The following LMO3 variants were observed in gnomAD, a reference collection of about 807,000 sequenced individuals.
The protein encoded by LMO3 is LIM domain only protein 3.
LMO3 carries 2 observed loss-of-function variants against 15.8 expected under a neutral mutation model. The observed-to-expected ratio is 0.13, with a 90% CI of 0.05 to 0.40. The LOEUF (loss-of-function observed/expected upper bound fraction) is 0.40, where lower values mean the gene tolerates loss of function less well. LMO3 is among the 10% of genes least tolerant of loss of function. The pLI, the probability that LMO3 is intolerant of heterozygous loss-of-function variation, is 0.99. For synonymous variants in LMO3, 62 were observed against 63.8 expected (o/e 0.97, Z 0.13); for missense variants, 86 against 182.2 (o/e 0.47, Z 3.04).
In LMO3 at chr12:16,555,249, T is replaced by C. The variant is rs183261413; in HGVS notation, c.333-3922A>G. On this transcript the variant is annotated intron_variant, in intron 3 of 3. Coordinates refer to ENST00000537304, the MANE Select transcript of LMO3 (RefSeq NM_018640.5). The surrounding 1 kb of genome is among the most constrained non-coding windows in gnomAD (Gnocchi z 5.5). The stretch of plus-strand genomic sequence containing the variant: ...GAAATATTTCTCCCCTTTTTCTGTC[T>C]ACTTAAATTGTAACAATCCTTGAGT... 1.8e-3 allele frequency among the ~76,000 whole-genome samples: 269 copies of C among 152,340 alleles called. No homozygotes were observed. The highest frequency in any genetic ancestry group is 6.4e-3 in the African/African-American group (265 of 41,574).
At chr12:16,605,421 T>C in intron 1 of LMO3, 1 of 1,072,008 alleles carries the variant, frequency 9.3e-7, no homozygotes, top group Non-Finnish European at 1.2e-6. Context: ...TAGCCACTTC[T>C]GCCCCTACCC....
rs1315386839 is a variant in LMO3, at chr12:16,585,345, A to T, written c.206+15310T>A. On this transcript the variant is annotated intron_variant, in intron 2 of 3. Transcript: ENST00000537304. This position sits in a 1 kb window ranked among gnomAD's most constrained non-coding sequence, Gnocchi z 4.7. ...TTTGCATATTTGTGTATATATTTTTAAAAAGTGGATTAACTTTATGTTAAA... is the reference window on the plus strand; with the variant it reads ...TTTGCATATTTGTGTATATATTTTTTAAAAGTGGATTAACTTTATGTTAAA... Among the ~76,000 whole-genome samples the T allele has an allele frequency of 2.0e-5, 3 of 152,224 alleles. No homozygotes were observed. Among genetic ancestry groups the T allele is most frequent in the African/African-American group, 7.2e-5 (3 of 41,452 alleles).
chr12:16,572,416 C>T (rs527261632), intron 2 of LMO3, among the ~76,000 whole-genome samples: 79 of 102,204 alleles, frequency 7.7e-4, no homozygotes, highest in African/African-American at 3.0e-3. Flanking sequence ...GAATGTGTAT[C>T]TATCTTCTTT....
At position 16,604,789 on chromosome 12, in the gene LMO3, A is replaced by T. The variant is rs928316416; in HGVS notation, c.-9+1277T>A. 2.7e-5 allele frequency: 41 copies of T among 1,491,294 alleles called. 1 individual carries two copies. Among genetic ancestry groups the T allele is most frequent in the Non-Finnish European group, 3.8e-5 (41 of 1,085,714 alleles). The allele number at this position is 1,491,294 out of a possible 1,614,324, so 92.4% of individuals were successfully genotyped here. ...TTTCAGAAAGACACAAAAGCAGCGGAAAAGCAGAAAGGCTTTTGAGCGGCC... is the reference window on the plus strand; with the variant it reads ...TTTCAGAAAGACACAAAAGCAGCGGTAAAGCAGAAAGGCTTTTGAGCGGCC... On this transcript the variant is annotated intron_variant, in intron 1 of 3. Transcript: ENST00000537304. The surrounding 1 kb of genome is among the most constrained non-coding windows in gnomAD (Gnocchi z 5.3).
chr12:16,552,049 A>G (rs767395845), intron 3 of LMO3, among the ~76,000 whole-genome samples: 4 of 152,058 alleles, frequency 2.6e-5, no homozygotes, highest in Non-Finnish European at 4.4e-5. Flanking sequence ...CTAGTTTCCA[A>G]TAGCTAATTA....
Position 16,589,717 on chromosome 12 carries a change from T to C in LMO3, c.206+10938A>G, listed in dbSNP as rs1016435665. 1.3e-5 allele frequency: 2 copies of C among 152,066 alleles called. No homozygotes were observed. The highest frequency in any genetic ancestry group is 2.9e-5 in the Non-Finnish European group (2 of 67,988). 9.4% of individuals were successfully genotyped at this position (152,066 alleles called of 1,614,324 possible). A position where few individuals can be genotyped will look rare whatever the true frequency, so the allele number is the denominator to read the frequency against. On this transcript the variant is annotated intron_variant, in intron 2 of 3. Coordinates refer to ENST00000537304, the MANE Select transcript of LMO3 (RefSeq NM_018640.5). The surrounding 1 kb of genome is among the most constrained non-coding windows in gnomAD (Gnocchi z 4.2). ...AAGCAACTTTTCTTTAAGATCAAGC[T>C]CAAATTGATCTGCCTTGGAAGACGA... is the stretch of plus-strand genomic sequence containing the variant.
At position 16,589,892 on chromosome 12, in the gene LMO3, C is replaced by T. The variant is rs1379011675; in HGVS notation, c.206+10763G>A. On this transcript the variant is annotated intron_variant, in intron 2 of 3. Coordinates refer to ENST00000537304, the MANE Select transcript of LMO3 (RefSeq NM_018640.5). This position sits in a 1 kb window ranked among gnomAD's most constrained non-coding sequence, Gnocchi z 4.2. ...ACAGTAGGAATTAAGCCTCGTAAAG[C>T]TCTCTGGCTACTGTCTCCGTCTAGC... Among the ~76,000 whole-genome samples, 1 of 152,058 alleles carries T rather than the reference C, an allele frequency of 6.6e-6. No homozygotes were observed. Among genetic ancestry groups the T allele is most frequent in the Non-Finnish European group, 1.5e-5 (1 of 67,992 alleles).
rs1046677674 is a variant in LMO3, at chr12:16,593,698, C to A, written c.206+6957G>T. Among the ~76,000 whole-genome samples, 2 of 151,662 alleles carry A rather than the reference C, an allele frequency of 1.3e-5. No homozygotes were observed. The highest frequency in any genetic ancestry group is 4.8e-5 in the African/African-American group (2 of 41,368). On this transcript the variant is annotated intron_variant, in intron 2 of 3. Transcript: ENST00000537304. This position sits in a 1 kb window ranked among gnomAD's most constrained non-coding sequence, Gnocchi z 4.2. Reference sequence around the variant, plus strand: ...TATAATAAGAGGATATGCTTAGGTCCTAATTCCTTTAGAGAAAGTTATCCA... The same window carrying A: ...TATAATAAGAGGATATGCTTAGGTCATAATTCCTTTAGAGAAAGTTATCCA...
chr12:16,558,991 T>C (rs1942293729), intron 3 of LMO3, among the ~76,000 whole-genome samples: 1 of 152,118 alleles, frequency 6.6e-6, no homozygotes, highest in Non-Finnish European at 1.5e-5. Context: ...TCAGCTAATA[T>C]ATGGTGGTGC....
intron 2 of LMO3, among the ~76,000 whole-genome samples, chr12:16,571,710 T>A (rs1051203769): frequency 2.0e-5 from 3 of 152,010 alleles, no homozygotes; most frequent in Admixed American, 6.6e-5. Context: ...ATATGCAGAT[T>A]GAATTAAATA....
At chr12:16,606,667 C>G (rs1444958861), upstream of LMO3, 1 of 152,098 alleles carries the variant, frequency 6.6e-6, no homozygotes, top group Non-Finnish European at 1.5e-5. Context: ...CGAGACAGAT[C>G]GGGCTTTGTT....
At position 16,566,038 on chromosome 12, in the gene LMO3, A is replaced by ATATATATATATG. The variant is rs1555116337; in HGVS notation, c.207-5501_207-5500insCATATATATATA. On this transcript the variant is annotated intron_variant, in intron 2 of 3. Transcript: ENST00000537304. ...TATATATATATATATATATATATAT[A>ATATATATATATG]TAAAATGGAGTACTATTCAGCCATA... Among the ~76,000 whole-genome samples the ATATATATATATG allele has an allele frequency of 1.4e-4, 13 of 90,522 alleles. 2 individuals are homozygous for ATATATATATATG. The highest frequency in any genetic ancestry group is 4.2e-4 in the East Asian group (1 of 2,392). 59.4% of individuals were successfully genotyped at this position (90,522 alleles called of 152,430 possible).
rs530936654 is a variant in LMO3 at position 16,563,225 on chromosome 12, C to G, written c.207-2687G>C. Among the ~76,000 whole-genome samples the G allele has an allele frequency of 1.0e-3, 153 of 152,272 alleles. 2 individuals are homozygous for G. The highest frequency in any genetic ancestry group is 3.6e-3 in the African/African-American group (151 of 41,572). ...AGATGCGGAAATCTGATCTAATTTA[C>G]TGCAAAGCGATGCATTTGTTAGACT... On this transcript the variant is annotated intron_variant, in intron 2 of 3. Transcript: ENST00000537304.
Position 16,553,286 on chromosome 12 carries a change from C to T in LMO3, c.333-1959G>A, listed in dbSNP as rs1942061230. Among the ~76,000 whole-genome samples, 3 of 152,030 alleles carry T rather than the reference C, an allele frequency of 2.0e-5. No homozygotes were observed. The South Asian group carries it at 6.2e-4, about 31-fold the overall frequency. ...GTAAAGGAAGAAAAATAACCCAGGC[C>T]TTTTTGGATTCAAGACTCAAGCTTT... On this transcript the variant is annotated intron_variant, in intron 3 of 3. Coordinates refer to ENST00000537304, the MANE Select transcript of LMO3 (RefSeq NM_018640.5).
chr12:16,564,157 A>G (rs1449818691), intron 2 of LMO3, among the ~76,000 whole-genome samples: 2 of 152,182 alleles, frequency 1.3e-5, no homozygotes, highest in Non-Finnish European at 2.9e-5. Context: ...CTATCTAAAA[A>G]CAGACATGAA....
Position 16,600,877 on chromosome 12 carries a change from A to G in LMO3, c.-8-9T>C, listed in dbSNP as rs528167821. 6.2e-7 allele frequency: 1 copy of G among 1,606,136 alleles called. No individual in the cohort carries two copies. The highest frequency in any genetic ancestry group is 1.7e-5 in the Admixed American group (1 of 59,660). ...TGAGAGCATTTGTATACCTAAAGGAAGACAAAAGCAAAAAAGAGAGCTGAG... is the reference window on the plus strand; with the variant it reads ...TGAGAGCATTTGTATACCTAAAGGAGGACAAAAGCAAAAAAGAGAGCTGAG... On this transcript the variant is annotated splice_polypyrimidine_tract_variant and intron_variant, in intron 1 of 3. Coordinates refer to ENST00000537304, the MANE Select transcript of LMO3 (RefSeq NM_018640.5).
rs1942321297 is a variant in LMO3 at position 16,559,766 on chromosome 12, CAT to C, written c.332+645_332+646del. ...AGGAGTTTGAGACCAGCCTGGGTAA[CAT>C]AGTGAAACTCCATCATCTCTATAAA... On this transcript the variant is annotated intron_variant, in intron 3 of 3. Coordinates refer to ENST00000537304, the MANE Select transcript of LMO3 (RefSeq NM_018640.5). The surrounding 1 kb of genome is among the most constrained non-coding windows in gnomAD (Gnocchi z 4.1). Among the ~76,000 whole-genome samples the C allele has an allele frequency of 6.8e-6, 1 of 147,738 alleles. No individual in the cohort carries two copies. The highest frequency in any genetic ancestry group is 1.5e-5 in the Non-Finnish European group (1 of 67,142).
Position 16,582,705 on chromosome 12 carries a change from C to T in LMO3, c.206+17950G>A, listed in dbSNP as rs2058796. Among the ~76,000 whole-genome samples the T allele has an allele frequency of 0.22, 33,021 of 152,032 alleles. 4,491 individuals are homozygous for T. The highest frequency in any genetic ancestry group is 0.31 in the South Asian group (1,483 of 4,816). ...ACAACAAGATCACCGTTCCTAGGTA[C>T]GGTCCCTCACTCTTTTAAGTATCTG... On this transcript the variant is annotated intron_variant, in intron 2 of 3. Transcript: ENST00000537304. The surrounding 1 kb of genome is among the most constrained non-coding windows in gnomAD (Gnocchi z 4.1).
At chr12:16,600,556 G>T (rs1034106517) in intron 2 of LMO3, 99 bp downstream of exon 2, 3 of 992,100 alleles carry the variant, frequency 3.0e-6, no homozygotes, top group African/African-American at 3.2e-5. Context: ...AGGAATATAA[G>T]CTGGCAGTAA....
Sources: allele counts gnomAD v4.1 joint callset (sites outside exome capture counted in the v4.1 genomes callset), GRCh38; gene constraint gnomAD v4.1.1; non-coding constraint Gnocchi (gnomAD v3.1); transcripts MANE v1.5; gene names NCBI Gene and HGNC (gene_info 2026-07-23, HGNC 2026-07-21).